UQCC1: variants seen among roughly 807,000 people sequenced by gnomAD.
UQCC1 encodes the protein ubiquinol-cytochrome c reductase complex assembly factor 1.
In UQCC1, 38 loss-of-function variants were observed where a neutral mutation model predicts 48.0. The ratio of observed to expected loss-of-function variants is 0.79; its 90% confidence interval spans 0.61 to 1.04. The LOEUF is 1.04. UQCC1 is among the 50% of genes least tolerant of loss of function. The pLI is 0.00. For missense variants in UQCC1, 368 were observed against 381.8 expected (o/e 0.96, Z 0.30); for synonymous variants, 111 against 129.2 (o/e 0.86, Z 0.95).
intron 2 of UQCC1, among the ~76,000 whole-genome samples, chr20:35,388,305 T>TC (rs2061971903): frequency 3.3e-5 from 2 of 59,790 alleles, no homozygotes; most frequent in African/African-American, 7.2e-5. Flanking sequence ...TTTTCTTTTT[T>TC]TTTGAGACAG....
chr20:35,326,099 G>A (rs1317457568), intron 7 of UQCC1, among the ~76,000 whole-genome samples: 2 of 152,216 alleles, frequency 1.3e-5, no homozygotes, highest in African/African-American at 4.8e-5. Context: ...CCAGAGGCAG[G>A]AAAACCAGAG....
chr20:35,342,775 T>C (rs569601171), intron 7 of UQCC1, among the ~76,000 whole-genome samples: 1 of 152,362 alleles, frequency 6.6e-6, no homozygotes, highest in Middle Eastern at 3.4e-3. Context: ...ACAGCTAATT[T>C]ATAAGTTTAA....
At position 35,304,078 on chromosome 20, in the gene UQCC1, AG is replaced by A; in HGVS notation, c.766-10del. 3 of 1,613,822 alleles carry A rather than the reference AG, an allele frequency of 1.9e-6. No homozygotes were observed. The highest frequency in any genetic ancestry group is 2.5e-6 in the Non-Finnish European group (3 of 1,179,836). On this transcript the variant is annotated splice_polypyrimidine_tract_variant and intron_variant, in intron 9 of 9. Transcript: ENST00000374385. The stretch of plus-strand genomic sequence containing the variant: ...GAGTCCAGGTACTGTATCTGCAACC[AG>A]GGGAGGGGGAAGGAGGAAGCGACAG...
rs2061910392 is a variant in UQCC1, at chr20:35,384,201, TC to T, written c.130-69del. 1.3e-5 allele frequency: 18 copies of T among 1,383,652 alleles called. No individual in the cohort carries two copies. The South Asian group carries it at 1.9e-4, about 15-fold the overall frequency. 85.7% of individuals were successfully genotyped at this position (1,383,652 alleles called of 1,614,324 possible). A position where few individuals can be genotyped will look rare whatever the true frequency, so the allele number is the denominator to read the frequency against. On this transcript the variant is annotated intron_variant, in intron 2 of 9. Transcript: ENST00000374385. ...CAGGGTTAATCTGAACAGAGCTGTT[TC>T]AAAGTAAAGACTATAGGATCTTTCC...
chr20:35,333,127 T>G (rs192674945), intron 7 of UQCC1, among the ~76,000 whole-genome samples: 154 of 152,332 alleles, frequency 1.0e-3, no homozygotes, highest in African/African-American at 3.6e-3. Context: ...TTTTTTTTTT[T>G]GAGCAAAGAT....
chr20:35,351,794 T>G (rs1336837381), intron 6 of UQCC1, among the ~76,000 whole-genome samples: 1 of 152,266 alleles, frequency 6.6e-6, no homozygotes, highest in Non-Finnish European at 1.5e-5. Flanking sequence ...GTTTGTTCTA[T>G]AGCCCTTACA....
chr20:35,305,954 C>T (rs1407415188), intron 9 of UQCC1, among the ~76,000 whole-genome samples: 1 of 152,196 alleles, frequency 6.6e-6, no homozygotes, highest in African/African-American at 2.4e-5. Flanking sequence ...CTGGGAGGCC[C>T]TGGAAGAGCC....
intron 7 of UQCC1, among the ~76,000 whole-genome samples, chr20:35,326,167 A>G (rs143214898): frequency 6.6e-6 from 1 of 152,332 alleles, no homozygotes; most frequent in Non-Finnish European, 1.5e-5. Context: ...ATGTGAAGTG[A>G]CAACACGAAC....
intron 7 of UQCC1, among the ~76,000 whole-genome samples, chr20:35,339,511 A>C (rs1219132040): frequency 1.3e-5 from 2 of 152,234 alleles, no homozygotes; most frequent in Non-Finnish European, 2.9e-5. Flanking sequence ...AAAAGAACAC[A>C]GCACACTTAC....
chr20:35,331,212 A>G (rs1325446066), intron 7 of UQCC1, among the ~76,000 whole-genome samples: 5 of 152,264 alleles, frequency 3.3e-5, no homozygotes, highest in African/African-American at 9.6e-5. Flanking sequence ...ACCACAAGCC[A>G]GCTGATTCCT....
intron 6 of UQCC1, among the ~76,000 whole-genome samples, chr20:35,362,099 A>G (rs938207037): frequency 1.3e-5 from 2 of 152,234 alleles, no homozygotes; most frequent in Non-Finnish European, 2.9e-5. Context: ...CCAGAAGGGA[A>G]GGTTTCAAAG....
Position 35,381,970 on chromosome 20 carries a change from G to C in UQCC1, c.281C>G (p.Thr94Arg). 6.2e-7 allele frequency: 1 copy of C among 1,613,266 alleles called. No homozygotes were observed. The highest frequency in any genetic ancestry group is 1.1e-5 in the South Asian group (1 of 90,918). The change falls in exon 4 of 10, where the codon ACA becomes AGA. Residue 94 changes from threonine (T) to arginine (R), a missense_variant. Transcript: ENST00000374385. ...QPVEEKVGAF[T>R]KIIEAMGFTG... Reference sequence around the variant, plus strand: ...GAATCCCATGGCTTCTATTATCTTTGTGAAAGCACCAACCTTCTCCTCAAC... The same window carrying C: ...GAATCCCATGGCTTCTATTATCTTTCTGAAAGCACCAACCTTCTCCTCAAC...
At chr20:35,331,193 C>T (rs1387774157) in intron 7 of UQCC1, among the ~76,000 whole-genome samples, 1 of 152,070 alleles carries the variant, frequency 6.6e-6, no homozygotes, top group African/African-American at 2.4e-5. Context: ...GCCCCATAAC[C>T]ATACACATAC....
chr20:35,386,029 G>A (rs970088731), intron 2 of UQCC1, among the ~76,000 whole-genome samples: 4 of 151,634 alleles, frequency 2.6e-5, no homozygotes, highest in South Asian at 2.1e-4. Flanking sequence ...CAGACTGCAC[G>A]GTTTACTCAG....
chr20:35,396,818 T>C (rs2062085099), intron 1 of UQCC1, among the ~76,000 whole-genome samples: 2 of 152,180 alleles, frequency 1.3e-5, no homozygotes, highest in South Asian at 2.1e-4. Context: ...ACTGTATAAA[T>C]GATAGCCATG....
chr20:35,355,462 G>GT (rs1336024605), intron 6 of UQCC1, among the ~76,000 whole-genome samples: 2 of 152,198 alleles, frequency 1.3e-5, no homozygotes, highest in Non-Finnish European at 2.9e-5. Flanking sequence ...TTACTAGGTA[G>GT]TTAAGGACAG....
At chr20:35,317,672 T>C (rs1027697385) in intron 7 of UQCC1, among the ~76,000 whole-genome samples, 3 of 152,208 alleles carry the variant, frequency 2.0e-5, no homozygotes, top group African/African-American at 7.2e-5. Context: ...ATAGGAACCA[T>C]GTCTGATTAA....
Position 35,395,518 on chromosome 20 carries a change from A to C in UQCC1, c.25-1322T>G, listed in dbSNP as rs1429812561. On this transcript the variant is annotated intron_variant, in intron 1 of 9. Transcript: ENST00000374385. ...GGGCTTATTATAAATAAATAAAAAAAAAACCATTCCTCTCACCCCAATCAC... is the reference window on the plus strand; with the variant it reads ...GGGCTTATTATAAATAAATAAAAAACAAACCATTCCTCTCACCCCAATCAC... Among the ~76,000 whole-genome samples the C allele has an allele frequency of 3.3e-5, 5 of 152,138 alleles. No individual in the cohort carries two copies. The East Asian group carries it at 5.8e-4, about 18-fold the overall frequency.
intron 1 of UQCC1, among the ~76,000 whole-genome samples, chr20:35,402,590 AAC>A (rs1326845875): frequency 1.4e-4 from 20 of 138,544 alleles, no homozygotes; most frequent in Non-Finnish European, 2.8e-4. Flanking sequence ...AAAACAAACA[AAC>A]AAACAAACAA....
Sources: allele counts gnomAD v4.1 joint callset (sites outside exome capture counted in the v4.1 genomes callset), GRCh38; gene constraint gnomAD v4.1.1; transcripts MANE v1.5; gene names NCBI Gene and HGNC (gene_info 2026-07-23, HGNC 2026-07-21).